NUCB2: variants seen among roughly 807,000 people sequenced by gnomAD.
The protein encoded by NUCB2 is nucleobindin 2.
A neutral mutation model predicts 57.9 loss-of-function variants in NUCB2; 48 were observed. That is an observed-to-expected ratio of 0.83 (90% CI 0.66 to 1.05). The LOEUF (loss-of-function observed/expected upper bound fraction) is 1.05, where lower values mean the gene tolerates loss of function less well. Among genes scored for constraint, NUCB2 ranks in the 50% least tolerant of loss-of-function variants. The pLI is 0.00. For synonymous variants in NUCB2, 139 were observed against 152.1 expected (o/e 0.91, Z 0.64); for missense variants, 442 against 476.2 (o/e 0.93, Z 0.67).
At chr11:17,336,748 C>T (rs1298007820), downstream of NUCB2, among the ~76,000 whole-genome samples, 8 of 90,758 alleles carry the variant, frequency 8.8e-5, no homozygotes, top group South Asian at 4.2e-4. Context: ...AGCGAGACTC[C>T]GTCTCAAAAA....
At chr11:17,277,732 G>A (rs942512199) in intron 1 of NUCB2, among the ~76,000 whole-genome samples, 2 of 152,220 alleles carry the variant, frequency 1.3e-5, no homozygotes, top group African/African-American at 4.8e-5. Context: ...TTTAAAAATA[G>A]GGGAGGTTAA....
intron 6 of NUCB2, 114 bp downstream of exon 6, chr11:17,309,789 T>C (rs528105546): frequency 3.1e-5 from 19 of 618,692 alleles, no homozygotes; most frequent in Non-Finnish European, 5.1e-5. Context: ...AGAAGTTCTT[T>C]AAAGGAAGGT....
intron 11 of NUCB2, among the ~76,000 whole-genome samples, chr11:17,324,421 T>C (rs921671014): frequency 6.6e-6 from 1 of 152,254 alleles, no homozygotes; most frequent in Non-Finnish European, 1.5e-5. Flanking sequence ...AGATGCTTGC[T>C]ATTATTTCTA....
At chr11:17,292,979 T>G (rs576633066) in intron 2 of NUCB2, among the ~76,000 whole-genome samples, 1 of 152,064 alleles carries the variant, frequency 6.6e-6, no homozygotes, top group South Asian at 2.1e-4. Flanking sequence ...AGCGGCTAGG[T>G]GCAGTGGCTC....
intron 2 of NUCB2, chr11:17,283,519 A>G (rs951415996): frequency 2.0e-5 from 3 of 152,276 alleles, no homozygotes; most frequent in East Asian, 1.9e-4. Flanking sequence ...TTGCCATGGC[A>G]GAGATATAAG....
In NUCB2 at chr11:17,331,828, A is replaced by G. The variant is rs541972774; in HGVS notation, c.*409A>G. ...AGGTATTCTTTTATGGGTGCTTATC[A>G]TTCCTTCTTTCAATAAATGTCTGTT... On this transcript the variant is annotated 3_prime_UTR_variant, in exon 14 of 14. Coordinates refer to ENST00000529010, the MANE Select transcript of NUCB2 (RefSeq NM_005013.4). 6.3e-6 allele frequency: 1 copy of G among 159,212 alleles called. No homozygotes were observed. Among genetic ancestry groups the G allele is most frequent in the South Asian group, 2.0e-4 (1 of 4,904 alleles). 9.9% of individuals were successfully genotyped at this position (159,212 alleles called of 1,614,324 possible). A position where few individuals can be genotyped will look rare whatever the true frequency, so the allele number is the denominator to read the frequency against.
intron 4 of NUCB2, among the ~76,000 whole-genome samples, chr11:17,297,965 C>T (rs1216654843): frequency 6.6e-6 from 1 of 151,480 alleles, no homozygotes; most frequent in East Asian, 1.9e-4. Flanking sequence ...ACCTGTAATC[C>T]CAGCCACTCG....
At chr11:17,284,452 G>A (rs927923566) in intron 2 of NUCB2, among the ~76,000 whole-genome samples, 7 of 152,166 alleles carry the variant, frequency 4.6e-5, no homozygotes, top group African/African-American at 1.7e-4. Context: ...TTCAGGGAAT[G>A]GAAATTGGAG....
At position 17,288,392 on chromosome 11, in the gene NUCB2, A is replaced by G. The variant is rs1944153398; in HGVS notation, c.-1+5449A>G. 2.0e-5 allele frequency among the ~76,000 whole-genome samples: 3 copies of G among 152,048 alleles called. No individual in the cohort carries two copies. In the South Asian group the frequency reaches 6.2e-4, roughly 32 times the overall value. On this transcript the variant is annotated intron_variant, in intron 2 of 13. Coordinates refer to ENST00000529010, the MANE Select transcript of NUCB2 (RefSeq NM_005013.4). The stretch of plus-strand genomic sequence containing the variant: ...ACCCAGGCTGGAGTAAGGTGGCACA[A>G]TCATAGCTCCCTGCAGCCTAGAACT...
intron 2 of NUCB2, among the ~76,000 whole-genome samples, chr11:17,284,235 C>G (rs1943230990): frequency 6.6e-6 from 1 of 152,096 alleles, no homozygotes; most frequent in Non-Finnish European, 1.5e-5. Context: ...CCAGGGTGGT[C>G]TTGAACTCCT....
intron 2 of NUCB2, among the ~76,000 whole-genome samples, chr11:17,345,961 T>C (rs1054001377): frequency 3.9e-5 from 6 of 152,180 alleles, no homozygotes; most frequent in Non-Finnish European, 7.4e-5. Flanking sequence ...ATTCTTCCAG[T>C]GCAATATTTT....
At chr11:17,306,565 C>A (rs1193114323) in intron 5 of NUCB2, among the ~76,000 whole-genome samples, 1 of 152,158 alleles carries the variant, frequency 6.6e-6, no homozygotes, top group Admixed American at 6.5e-5. Context: ...CTTCCATCCC[C>A]TCAGTCTTAA....
chr11:17,330,856 A>T lies in NUCB2; in HGVS notation c.1174-46A>T. The T allele has an allele frequency of 9.0e-7, 1 of 1,112,060 alleles. No homozygotes were observed. The highest frequency in any genetic ancestry group is 1.4e-6 in the Non-Finnish European group (1 of 724,054). The allele number at this position is 1,112,060 out of a possible 1,614,324, so 68.9% of individuals were successfully genotyped here. On this transcript the variant is annotated intron_variant, in intron 12 of 13. Coordinates refer to ENST00000529010, the MANE Select transcript of NUCB2 (RefSeq NM_005013.4). The surrounding 1 kb of genome is among the most constrained non-coding windows in gnomAD (Gnocchi z 4.3). Reference sequence around the variant, plus strand: ...TGCTTTGTCAAAGGTCACACATATGATAGAAAATCAAGTTATACTTTTAAC... The same window carrying T: ...TGCTTTGTCAAAGGTCACACATATGTTAGAAAATCAAGTTATACTTTTAAC...
At chr11:17,335,277 G>A (rs1016702710), downstream of NUCB2, among the ~76,000 whole-genome samples, 5 of 152,062 alleles carry the variant, frequency 3.3e-5, no homozygotes, top group African/African-American at 1.2e-4. Flanking sequence ...TTGGGTAAAC[G>A]TTTTTAGATG....
intron 2 of NUCB2, among the ~76,000 whole-genome samples, chr11:17,349,148 C>T (rs909285460): frequency 1.3e-5 from 2 of 152,228 alleles, no homozygotes; most frequent in African/African-American, 4.8e-5. Context: ...CATCACCTAA[C>T]ATGTGTACTC....
intron 4 of NUCB2, among the ~76,000 whole-genome samples, chr11:17,298,871 G>C: frequency 6.6e-6 from 1 of 151,930 alleles, no homozygotes; most frequent in Non-Finnish European, 1.5e-5. Context: ...GCTAATTTTT[G>C]TATTTTTAGT....
chr11:17,285,189 A>G (rs1943435276), intron 2 of NUCB2, among the ~76,000 whole-genome samples: 1 of 152,182 alleles, frequency 6.6e-6, no homozygotes, highest in African/African-American at 2.4e-5. Context: ...GCACTTTGGG[A>G]GGCCAAGGCG....
At chr11:17,347,200 C>T (rs756961345) in intron 2 of NUCB2, among the ~76,000 whole-genome samples, 5 of 152,170 alleles carry the variant, frequency 3.3e-5, no homozygotes, top group Non-Finnish European at 5.9e-5. Context: ...TGGGAGCTTC[C>T]AGGTCACAGG....
chr11:17,291,561 T>C (rs188006856), intron 2 of NUCB2, among the ~76,000 whole-genome samples: 5 of 25,514 alleles, frequency 2.0e-4, no homozygotes, highest in Non-Finnish European at 3.7e-4. Flanking sequence ...AAAAAAAAAA[T>C]CAGTCTTTTG....
Sources: allele counts gnomAD v4.1 joint callset (sites outside exome capture counted in the v4.1 genomes callset), GRCh38; gene constraint gnomAD v4.1.1; non-coding constraint Gnocchi (gnomAD v3.1); transcripts MANE v1.5; gene names NCBI Gene and HGNC (gene_info 2026-07-23, HGNC 2026-07-21).